Variants in ST3GAL2 observed in about 807,000 individuals in gnomAD.
ST3GAL2 encodes ST3 beta-galactoside alpha-2,3-sialyltransferase 2.
Under a neutral mutation model 37.5 loss-of-function variants are expected in ST3GAL2, and 16 were observed. That is an observed-to-expected ratio of 0.43 (90% CI 0.29 to 0.65). The LOEUF is 0.65. Among genes scored for constraint, ST3GAL2 ranks in the 30% least tolerant of loss-of-function variants. The pLI is 0.17. For synonymous variants in ST3GAL2, 238 were observed against 202.9 expected (o/e 1.17, Z -1.47); for missense variants, 383 against 487.8 (o/e 0.79, Z 2.02).
chr16:70,380,821 G>C lies in ST3GAL2; in HGVS notation c.*868C>G, dbSNP rs900220190. ...CTTCCGCCGTGCAGCCCCCTCCCCA[G>C]GGGCCAGAGCCGGCCGAAGACTGGG... On this transcript the variant is annotated 3_prime_UTR_variant, in exon 7 of 7. Coordinates refer to ENST00000342907, the MANE Select transcript of ST3GAL2 (RefSeq NM_006927.4). The C allele has an allele frequency of 6.5e-6, 1 of 153,008 alleles. No individual in the cohort carries two copies. Among genetic ancestry groups the C allele is most frequent in the African/African-American group, 2.4e-5 (1 of 41,492 alleles). The allele number at this position is 153,008 out of a possible 1,614,324, so 9.5% of individuals were successfully genotyped here.
rs976532492 is a variant in ST3GAL2 at position 70,383,342 on chromosome 16, G to C, written c.714-107C>G. On this transcript the variant is annotated intron_variant, in intron 4 of 6. Transcript: ENST00000342907. ...GAGGCAGGTGGATCACCTGAGGCCA[G>C]GAGTTCGAGGCCAGCCGGATCACCT... 2.8e-6 allele frequency: 3 copies of C among 1,060,112 alleles called. No homozygotes were observed. In the African/African-American group the frequency reaches 4.8e-5, roughly 17 times the overall value. 65.7% of individuals were successfully genotyped at this position (1,060,112 alleles called of 1,614,324 possible).
At chr16:70,383,079 T>C (rs1399154028) in intron 5 of ST3GAL2, 111 bp downstream of exon 5, 1 of 1,577,410 alleles carries the variant, frequency 6.3e-7, no homozygotes, top group Non-Finnish European at 8.7e-7. Flanking sequence ...TCTCGGCAGA[T>C]GGGGACCCTG....
intron 1 of ST3GAL2, among the ~76,000 whole-genome samples, chr16:70,404,330 T>C (rs1405317700): frequency 1.3e-5 from 2 of 152,056 alleles, no homozygotes; most frequent in South Asian, 4.1e-4. Context: ...ATTAACAGTG[T>C]CAAGTGTTTG....
chr16:70,390,352 C>T (rs914448988), intron 3 of ST3GAL2, among the ~76,000 whole-genome samples: 1 of 152,228 alleles, frequency 6.6e-6, no homozygotes. Context: ...TAACTACAGG[C>T]AGATGACACC....
rs141583249 is a variant in ST3GAL2 at position 70,417,784 on chromosome 16, C to T, written c.-1003-18251G>A. Reference sequence around the variant, plus strand: ...TGGACCAGGGGAAGCCAGAGAGGGTCTGGAGTGTATGGGGTGGCATGGCGT... The same window carrying T: ...TGGACCAGGGGAAGCCAGAGAGGGTTTGGAGTGTATGGGGTGGCATGGCGT... On this transcript the variant is annotated intron_variant, in intron 1 of 6. Coordinates refer to ENST00000342907, the MANE Select transcript of ST3GAL2 (RefSeq NM_006927.4). 4.0e-4 allele frequency among the ~76,000 whole-genome samples: 59 copies of T among 148,180 alleles called. 2 individuals carry two copies. In the East Asian group the frequency reaches 0.011, roughly 28 times the overall value.
At position 70,395,149 on chromosome 16, in the gene ST3GAL2, G is replaced by A. The variant is rs565354580; in HGVS notation, c.366C>T (p.His122=). The part of the protein sequence containing the change: ...WMMLQPQFKS[H]NTNEVLEKLF... ...GCTTCTCCAGCACCTCATTGGTGTT[G>A]TGTGACTTGAACTGGGGCTGCAGCA... The change falls in exon 3 of 7, where the codon CAC becomes CAT. Residue 122 remains histidine (H), a synonymous_variant. Coordinates refer to ENST00000342907, the MANE Select transcript of ST3GAL2 (RefSeq NM_006927.4). 24 of 1,608,966 alleles carry A rather than the reference G, an allele frequency of 1.5e-5. No individual in the cohort carries two copies. The South Asian group carries it at 2.5e-4, about 17-fold the overall frequency.
chr16:70,436,435 AGTGAGACTTCGTCTCAAAAAAAG>A lies in ST3GAL2; in HGVS notation c.-1004+2491_-1004+2513del, dbSNP rs2047825816. Among the ~76,000 whole-genome samples, 3 of 143,320 alleles carry A rather than the reference AGTGAGACTTCGTCTCAAAAAAAG, an allele frequency of 2.1e-5. No homozygotes were observed. In the South Asian group the frequency reaches 7.0e-4, roughly 33 times the overall value. 94.0% of individuals were successfully genotyped at this position (143,320 alleles called of 152,430 possible). On this transcript the variant is annotated intron_variant, in intron 1 of 6. Transcript: ENST00000342907. ...CACTGCACTCCAGCCTGGGCAACAG[AGTGAGACTTCGTCTCAAAAAAAG>A]AAAAAAAAAAAAAAAAAGACTTCGC...
At position 70,379,970 on chromosome 16, in the gene ST3GAL2, GAAAT is replaced by G. The variant is rs796138092; in HGVS notation, c.*1715_*1718del. 7.9e-5 allele frequency: 12 copies of G among 152,086 alleles called. 1 individual carries two copies. The highest frequency in any genetic ancestry group is 1.7e-4 in the African/African-American group (7 of 41,462). The allele number at this position is 152,086 out of a possible 1,614,324, so 9.4% of individuals were successfully genotyped here. A position where few individuals can be genotyped will look rare whatever the true frequency, so the allele number is the denominator to read the frequency against. ...ATGATTTAAAGCAAAAGAAAAAAAA[GAAAT>G]AAATTATTCTGCTCAATACTGTTTG... On this transcript the variant is annotated 3_prime_UTR_variant, in exon 7 of 7. Coordinates refer to ENST00000342907, the MANE Select transcript of ST3GAL2 (RefSeq NM_006927.4).
intron 1 of ST3GAL2, among the ~76,000 whole-genome samples, chr16:70,415,331 A>G (rs1057131664): frequency 2.6e-5 from 4 of 152,150 alleles, no homozygotes; most frequent in African/African-American, 9.7e-5. Flanking sequence ...CTGAACCCTT[A>G]TCTAGGCACC....
intron 1 of ST3GAL2, among the ~76,000 whole-genome samples, chr16:70,406,684 G>C (rs1217077283): frequency 6.6e-6 from 1 of 152,064 alleles, no homozygotes; most frequent in Non-Finnish European, 1.5e-5. Context: ...CGGAGGCTGA[G>C]GCAGGAGACT....
At chr16:70,429,588 CA>C (rs1173306093) in intron 1 of ST3GAL2, among the ~76,000 whole-genome samples, 78 of 36,062 alleles carry the variant, frequency 2.2e-3, no homozygotes, top group East Asian at 3.9e-3. Context: ...GACTCTGTCT[CA>C]AAAAAAAAAA....
At chr16:70,387,837 G>A (rs749579207) in intron 4 of ST3GAL2, among the ~76,000 whole-genome samples, 2 of 152,080 alleles carry the variant, frequency 1.3e-5, no homozygotes, top group Non-Finnish European at 2.9e-5. Flanking sequence ...TGGTCTGGCC[G>A]GGTGCGGTGG....
In ST3GAL2 at chr16:70,395,063, C is replaced by T; in HGVS notation, c.452G>A (p.Arg151His). 2 of 1,613,972 alleles carry T rather than the reference C, an allele frequency of 1.2e-6. No individual in the cohort carries two copies. The highest frequency in any genetic ancestry group is 2.2e-5 in the East Asian group (1 of 44,858). Residue 151 changes from arginine to histidine, a missense_variant, in exon 3 of 7, where the codon CGC (arginine) becomes CAC (histidine). Physicochemically the swap from Arg to His is conservative, Grantham distance 29. Coordinates refer to ENST00000342907, the MANE Select transcript of ST3GAL2 (RefSeq NM_006927.4). ...GCCCGAGTTCCCCACCACGGCACAG[C>T]GCCGGCACTGGTGGGGGTCCCGGAA... ...YRFRDPHQCRRCAVVGNSGNL... is the reference protein window; with the variant it reads ...YRFRDPHQCRHCAVVGNSGNL...
chr16:70,420,917 TC>T (rs1417983110), intron 1 of ST3GAL2, among the ~76,000 whole-genome samples: 1 of 152,206 alleles, frequency 6.6e-6, no homozygotes, highest in Non-Finnish European at 1.5e-5. Flanking sequence ...GGCCCCTTGC[TC>T]AGCTGCTGTG....
rs1417009299 is a variant in ST3GAL2 at position 70,381,873 on chromosome 16, G to A, written c.880-11C>T. ...CCCGTACACGTTCACCTGCGGGGAA[G>A]CGCAGCGGAGCGTCACCCCAGGCGG... On this transcript the variant is annotated splice_polypyrimidine_tract_variant and intron_variant, in intron 6 of 6. Coordinates refer to ENST00000342907, the MANE Select transcript of ST3GAL2 (RefSeq NM_006927.4). The A allele has an allele frequency of 6.2e-7, 1 of 1,612,182 alleles. No individual in the cohort carries two copies. The highest frequency in any genetic ancestry group is 8.5e-7 in the Non-Finnish European group (1 of 1,178,942).
intron 4 of ST3GAL2, among the ~76,000 whole-genome samples, chr16:70,386,375 G>GT (rs2047443822): frequency 6.6e-6 from 1 of 152,024 alleles, no homozygotes; most frequent in Admixed American, 6.6e-5. Context: ...TTATTTTTTA[G>GT]TAGAGATGGG....
Position 70,378,042 on chromosome 16 carries a change from T to A in ST3GAL2, c.*3647A>T, listed in dbSNP as rs1313463233. The stretch of plus-strand genomic sequence containing the variant: ...AACAATAACAGCAATAGACGGGAAA[T>A]TTAACAAAATATTTGGAACACACCC... On this transcript the variant is annotated 3_prime_UTR_variant, in exon 7 of 7. Coordinates refer to ENST00000342907, the MANE Select transcript of ST3GAL2 (RefSeq NM_006927.4). 6.6e-6 allele frequency: 1 copy of A among 151,886 alleles called. No homozygotes were observed. The highest frequency in any genetic ancestry group is 2.4e-5 in the African/African-American group (1 of 41,320). 9.4% of individuals were successfully genotyped at this position (151,886 alleles called of 1,614,324 possible). A position where few individuals can be genotyped will look rare whatever the true frequency, so the allele number is the denominator to read the frequency against.
intron 1 of ST3GAL2, among the ~76,000 whole-genome samples, chr16:70,410,191 A>AT (rs56411094): frequency 0.59 from 70,907 of 119,724 alleles, 19,538 homozygotes; most frequent in African/African-American, 0.7. Flanking sequence ...TTTTTTCTGT[A>AT]TTTTTTTTCT....
intron 1 of ST3GAL2, among the ~76,000 whole-genome samples, chr16:70,424,335 C>T (rs2047736126): frequency 6.7e-6 from 1 of 149,062 alleles, no homozygotes; most frequent in Non-Finnish European, 1.5e-5. Flanking sequence ...GGCACAATGG[C>T]TAATGCCTAT....
Sources: gnomAD v4.1 joint callset for allele counts (sites outside exome capture counted in the v4.1 genomes callset) on GRCh38, gnomAD v4.1.1 for gene constraint, MANE v1.5 for transcripts, NCBI Gene and HGNC (gene_info 2026-07-23, HGNC 2026-07-21) for gene names.